Variants in LRCOL1 observed in about 807,000 individuals in gnomAD.
LRCOL1 encodes the protein leucine rich colipase like 1, also known as leucine-rich colipase-like protein 1.
Under a neutral mutation model 21.6 loss-of-function variants are expected in LRCOL1, and 21 were observed. That is an observed-to-expected ratio of 0.97 (90% CI 0.69 to 1.40). The LOEUF (loss-of-function observed/expected upper bound fraction) is 1.40, where lower values mean the gene tolerates loss of function less well. LRCOL1 is among the 40% of genes most tolerant of loss of function. LRCOL1 has a pLI of 0.00. For missense variants in LRCOL1, 198 were observed against 202.3 expected (o/e 0.98, Z 0.13); for synonymous variants, 98 against 90.1 (o/e 1.09, Z -0.49).
chr12:132,604,113 G>A (rs984809119), intron 5 of LRCOL1, 141 bp downstream of exon 5: 15 of 1,432,688 alleles, frequency 1.0e-5, no homozygotes, highest in Admixed American at 5.7e-5. Context: ...GTGAAGCGCC[G>A]GCCTCTCCCA....
rs767353978 is a variant in LRCOL1, at chr12:132,604,686, C to G, written c.231+20G>C. 2.6e-6 allele frequency: 4 copies of G among 1,531,240 alleles called. No individual in the cohort carries two copies. Among genetic ancestry groups the G allele is most frequent in the African/African-American group, 1.4e-5 (1 of 72,970 alleles). The allele number at this position is 1,531,240 out of a possible 1,614,324, so 94.9% of individuals were successfully genotyped here. ...ACAGGCAGTCTCGCTCCTCCACCCC[C>G]GCCCCTGCACGCACCTCACCTTCCT... On this transcript the variant is annotated intron_variant, in intron 3 of 5. Transcript: ENST00000376608.
At chr12:132,604,147 G>T in intron 5 of LRCOL1, 107 bp downstream of exon 5, 1 of 1,453,852 alleles carries the variant, frequency 6.9e-7, no homozygotes, top group East Asian at 2.5e-5. Context: ...GGTGCTCAGA[G>T]CCCACCTCTC....
rs1169996915 is a variant in LRCOL1, at chr12:132,603,196, C to T, written c.*206G>A. ...ATTGATGTTTAACAATCAGGCTACA[C>T]CCCAGTGCCTGGGATTTGTTCTCAC... is the stretch of plus-strand genomic sequence containing the variant. On this transcript the variant is annotated 3_prime_UTR_variant, in exon 6 of 6. Coordinates refer to ENST00000376608, the MANE Select transcript of LRCOL1 (RefSeq NM_001195520.2). The T allele has an allele frequency of 2.9e-6, 2 of 681,182 alleles. No individual in the cohort carries two copies. The highest frequency in any genetic ancestry group is 5.6e-5 in the East Asian group (2 of 35,528). 42.2% of individuals were successfully genotyped at this position (681,182 alleles called of 1,614,324 possible).
At chr12:132,603,610 C>A (rs2041256072) in intron 5 of LRCOL1, 2 of 984,100 alleles carry the variant, frequency 2.0e-6, no homozygotes, top group Non-Finnish European at 2.4e-6. Context: ...TCCCAGCGCC[C>A]ACGAGGGCGC....
intron 5 of LRCOL1, 151 bp from the exon 6 acceptor site, chr12:132,603,555 TCG>T: frequency 4.1e-6 from 4 of 985,288 alleles, no homozygotes; most frequent in Non-Finnish European, 4.8e-6. Context: ...CACGCTCAGC[TCG>T]CGAGAGGGAC....
chr12:132,605,929 A>C (rs753688789), intron 2 of LRCOL1: 2 of 568,406 alleles, frequency 3.5e-6, no homozygotes. Context: ...CATAGCCTCA[A>C]GTGTGCTTGG....
Position 132,606,103 on chromosome 12 carries a change from C to G in LRCOL1, c.105+44G>C. ...GGGGCGCCCGGCACCCACCTTATGG[C>G]GCGTGTGGGGCCTGCAGGGGCATCA... On this transcript the variant is annotated intron_variant, in intron 2 of 5. Coordinates refer to ENST00000376608, the MANE Select transcript of LRCOL1 (RefSeq NM_001195520.2). The surrounding 1 kb of genome is among the most constrained non-coding windows in gnomAD (Gnocchi z 4.6). The G allele has an allele frequency of 1.3e-6, 2 of 1,519,800 alleles. No homozygotes were observed. The highest frequency in any genetic ancestry group is 1.8e-6 in the Non-Finnish European group (2 of 1,132,700). The allele number at this position is 1,519,800 out of a possible 1,614,324, so 94.1% of individuals were successfully genotyped here. A position where few individuals can be genotyped will look rare whatever the true frequency, so the allele number is the denominator to read the frequency against.
chr12:132,603,988 C>T lies in LRCOL1; in HGVS notation c.477+266G>A, dbSNP rs1433208233. 4.5e-6 allele frequency: 6 copies of T among 1,327,702 alleles called. No homozygotes were observed. In the African/African-American group the frequency reaches 6.1e-5, roughly 13 times the overall value. The allele number at this position is 1,327,702 out of a possible 1,614,324, so 82.2% of individuals were successfully genotyped here. ...GGGGATGGTCCTGGGTCCCCCTCCC[C>T]GCGGCTCCGCAGGCTCTGACGGTCT... On this transcript the variant is annotated intron_variant, in intron 5 of 5. Transcript: ENST00000376608.
In LRCOL1 at chr12:132,605,454, C is replaced by T. The variant is rs949942658; in HGVS notation, c.106-623G>A. 6.2e-4 allele frequency among the ~76,000 whole-genome samples: 94 copies of T among 152,202 alleles called. 1 individual carries two copies. The highest frequency in any genetic ancestry group is 6.2e-3 in the Admixed American group (94 of 15,282). The stretch of plus-strand genomic sequence containing the variant: ...AAAGTGGGTATATTTTCTGGCCAGG[C>T]GCAGTGGCTCATGCCTGTAATCCCA... On this transcript the variant is annotated intron_variant, in intron 2 of 5. Coordinates refer to ENST00000376608, the MANE Select transcript of LRCOL1 (RefSeq NM_001195520.2).
In LRCOL1 at chr12:132,603,800, G is replaced by C. The variant is rs998709929; in HGVS notation, c.478-396C>G. The C allele has an allele frequency of 3.0e-6, 3 of 985,436 alleles. No individual in the cohort carries two copies. In the African/African-American group the frequency reaches 5.2e-5, roughly 17 times the overall value. 61.0% of individuals were successfully genotyped at this position (985,436 alleles called of 1,614,324 possible). A position where few individuals can be genotyped will look rare whatever the true frequency, so the allele number is the denominator to read the frequency against. The stretch of plus-strand genomic sequence containing the variant: ...CCTCCCCTGGCCCCAGGGCTCAGCA[G>C]AGCGGGAGCCTGCACCGAGCACGGC... On this transcript the variant is annotated intron_variant, in intron 5 of 5. Coordinates refer to ENST00000376608, the MANE Select transcript of LRCOL1 (RefSeq NM_001195520.2).
Position 132,606,176 on chromosome 12 carries a change from G to T in LRCOL1, c.76C>A (p.Pro26Thr). 1 of 1,536,488 alleles carries T rather than the reference G, an allele frequency of 6.5e-7. No homozygotes were observed. Among genetic ancestry groups the T allele is most frequent in the Non-Finnish European group, 8.7e-7 (1 of 1,146,930 alleles). ...TGGGACAGGTTCAACTTCTTCTGTG[G>T]CCCATACCCTGCCATGGACCCCAGC... ...LLLGSMAGYG[P>T]QKKLNLSHKG... The change falls in exon 2 of 6, where the codon CCA becomes ACA. Residue 26 changes from proline (P) to threonine (T), a missense_variant. Physicochemically the swap from Pro to Thr is conservative, Grantham distance 38. Coordinates refer to ENST00000376608, the MANE Select transcript of LRCOL1 (RefSeq NM_001195520.2). This position sits in a 1 kb window ranked among gnomAD's most constrained non-coding sequence, Gnocchi z 4.6.
chr12:132,605,976 C>T (rs58358501), intron 2 of LRCOL1, 171 bp downstream of exon 2: 110,041 of 631,392 alleles, frequency 0.17, 10,887 homozygotes, highest in African/African-American at 0.33. Context: ...AGAGCGAGTG[C>T]AGCCTCAGGG....
In LRCOL1 at chr12:132,604,349, G is replaced by C. The variant is rs1271469139; in HGVS notation, c.382C>G (p.Gln128Glu). ...ATGCAGCACTGGCTGTGACACTCCT[G>C]ATGGCTGCTGCAGAAGTCGCCGTTG... Reference protein sequence around the residue: ...KPNGDFCSSHQECHSQCCIQL... With the variant: ...KPNGDFCSSHEECHSQCCIQL... The change falls in exon 5 of 6, where the codon CAG (glutamine) becomes GAG (glutamate). Residue 128 changes from glutamine (Q) to glutamate (E), a missense_variant. By Grantham distance (29) the Gln-to-Glu change is conservative. Transcript: ENST00000376608. 4.6e-6 allele frequency: 7 copies of C among 1,535,740 alleles called. No homozygotes were observed. In the African/African-American group the frequency reaches 9.6e-5, roughly 21 times the overall value.
intron 1 of LRCOL1, among the ~76,000 whole-genome samples, chr12:132,609,487 C>T (rs967532419): frequency 6.6e-6 from 1 of 152,178 alleles, no homozygotes; most frequent in Admixed American, 6.5e-5. Context: ...TACCTGAGGT[C>T]GGGAGTTCAA....
chr12:132,605,596 G>A (rs541138301), intron 2 of LRCOL1, among the ~76,000 whole-genome samples: 1 of 152,142 alleles, frequency 6.6e-6, no homozygotes, highest in South Asian at 2.1e-4. Context: ...AGGCGTGGTG[G>A]CGCGCGCCTG....
chr12:132,609,915 T>C (rs1245413199), intron 1 of LRCOL1, among the ~76,000 whole-genome samples: 1 of 152,230 alleles, frequency 6.6e-6, no homozygotes, highest in Non-Finnish European at 1.5e-5. Context: ...CCTGCAATTA[T>C]CAATATCTAG....
At chr12:132,607,249 G>A (rs971955769) in intron 1 of LRCOL1, among the ~76,000 whole-genome samples, 8 of 152,212 alleles carry the variant, frequency 5.3e-5, no homozygotes, top group African/African-American at 1.9e-4. Context: ...GACGTCATTA[G>A]GAGGGTCTCT....
At chr12:132,603,443 CG>C in intron 5 of LRCOL1, 39 bp from the exon 6 acceptor site, 1 of 1,536,090 alleles carries the variant, frequency 6.5e-7, no homozygotes, top group African/African-American at 1.4e-5. Context: ...GTGCAGGGGA[CG>C]GGCCTCGAAG....
chr12:132,607,434 C>A (rs1290142516), intron 1 of LRCOL1, among the ~76,000 whole-genome samples: 1 of 152,224 alleles, frequency 6.6e-6, no homozygotes, highest in Non-Finnish European at 1.5e-5. Context: ...ACAAGATAAA[C>A]CATTCGTTAT....
Sources: gnomAD v4.1 joint callset for allele counts (sites outside exome capture counted in the v4.1 genomes callset) on GRCh38, gnomAD v4.1.1 for gene constraint, Gnocchi (gnomAD v3.1) non-coding constraint, MANE v1.5 for transcripts, NCBI Gene and HGNC (gene_info 2026-07-23, HGNC 2026-07-21) for gene names.